Variants in ODAD2 observed in about 807,000 individuals in gnomAD.
The protein encoded by ODAD2 is outer dynein arm docking complex subunit 2, also known as outer dynein arm-docking complex subunit 2.
In ODAD2, 89 loss-of-function variants were observed where a neutral mutation model predicts 106.8. The ratio of observed to expected loss-of-function variants is 0.83; its 90% CI spans 0.70 to 0.99. ODAD2 has a LOEUF of 0.99. Ranked by LOEUF, ODAD2 falls within the 50% of genes least tolerant of loss-of-function variation. The probability of loss-of-function intolerance (pLI) is 0.00; values close to 1 mark genes in which losing one functional copy is unlikely to be tolerated. For synonymous variants in ODAD2, 404 were observed against 436.2 expected, an observed-to-expected ratio of 0.93 and a Z score of 0.92; for missense variants, 1,168 against 1,238.5, an observed-to-expected ratio of 0.94 and a Z score of 0.85.
intron 16 of ODAD2, among the ~76,000 whole-genome samples, chr10:27,919,501 CTT>C (rs1432045655): frequency 6.6e-6 from 1 of 152,016 alleles, no homozygotes; most frequent in East Asian, 1.9e-4. Flanking sequence ...GGGCAAAAGA[CTT>C]TAACAGGCCA....
Position 27,944,971 on chromosome 10 carries a change from A to T in ODAD2, c.1387-9T>A. The T allele has an allele frequency of 1.2e-6, 2 of 1,613,798 alleles. No homozygotes were observed. The highest frequency in any genetic ancestry group is 8.5e-7 in the Non-Finnish European group (1 of 1,179,752). On this transcript the variant is annotated splice_polypyrimidine_tract_variant and intron_variant, in intron 10 of 19. Transcript: ENST00000305242. ...GCTGTTTGATTTCCTCCCTACAAAG[A>T]TGCAATGCCAGAGAAAGGTTAAGGA...
intron 1 of ODAD2, among the ~76,000 whole-genome samples, chr10:27,996,675 C>T (rs1374421846): frequency 6.6e-6 from 1 of 152,114 alleles, no homozygotes; most frequent in South Asian, 2.1e-4. Flanking sequence ...AGAATTGTAG[C>T]TACCATAAAC....
chr10:27,974,780 G>A (rs1355378642), intron 7 of ODAD2, among the ~76,000 whole-genome samples: 2 of 150,056 alleles, frequency 1.3e-5, no homozygotes, highest in Non-Finnish European at 3.0e-5. Context: ...TGTGAAGAAT[G>A]TTTTTGGTAA....
At position 27,983,945 on chromosome 10, in the gene ODAD2, C is replaced by T. The variant is rs150780082; in HGVS notation, c.717G>A (p.Pro239=). ...AAATTTCCCCACGAATTTGTCTCCACGGTGGGGCTCGACATCCATTTGAAA... is the reference window on the plus strand; with the variant it reads ...AAATTTCCCCACGAATTTGTCTCCATGGTGGGGCTCGACATCCATTTGAAA... ...YEFSNGCRAP[P]WRQIRGEICY... is the part of the protein sequence containing the mutation. Residue 239 remains proline (P), a synonymous_variant, in exon 6 of 20, where the codon CCG becomes CCA. Coordinates refer to ENST00000305242, the MANE Select transcript of ODAD2 (RefSeq NM_018076.5). 1.1e-3 allele frequency: 1,791 copies of T among 1,608,228 alleles called. 16 individuals are homozygous for T. The African/African-American group carries it at 0.021, about 19-fold the overall frequency.
At chr10:27,894,730 T>TA (rs5784032) in intron 17 of ODAD2, among the ~76,000 whole-genome samples, 94,337 of 144,986 alleles carry the variant, frequency 0.65, 30,610 homozygotes, top group Middle Eastern at 0.73. Flanking sequence ...GCATGTGCAT[T>TA]AAAAAAAAAA....
At chr10:27,953,671 C>T (rs1202079437) in intron 10 of ODAD2, among the ~76,000 whole-genome samples, 2 of 151,622 alleles carry the variant, frequency 1.3e-5, no homozygotes, top group African/African-American at 4.8e-5. Context: ...ATATAAAAAG[C>T]AAAATGTAGA....
chr10:27,987,304 A>G, intron 3 of ODAD2, 82 bp downstream of exon 3: 1 of 1,281,398 alleles, frequency 7.8e-7, no homozygotes, highest in South Asian at 1.6e-5. Flanking sequence ...GACTCTAACA[A>G]ATGATCCTCC....
At chr10:27,878,726 T>C (rs1164573623) in intron 17 of ODAD2, among the ~76,000 whole-genome samples, 1 of 152,178 alleles carries the variant, frequency 6.6e-6, no homozygotes, top group Non-Finnish European at 1.5e-5. Context: ...GTCAAAAGTA[T>C]ACTTAATGAA....
chr10:27,922,652 T>A (rs1312252914), intron 16 of ODAD2, among the ~76,000 whole-genome samples: 5 of 152,156 alleles, frequency 3.3e-5, no homozygotes. Flanking sequence ...ACACCTGTAA[T>A]CCCAGCACTT....
intron 19 of ODAD2, among the ~76,000 whole-genome samples, chr10:27,849,380 C>T (rs1481258985): frequency 2.7e-5 from 4 of 147,582 alleles, no homozygotes; most frequent in Admixed American, 6.9e-5. Context: ...GGAAGGGGAA[C>T]ATCACATACC....
chr10:27,914,995 A>T (rs1052475025), intron 16 of ODAD2, among the ~76,000 whole-genome samples: 6 of 152,074 alleles, frequency 3.9e-5, no homozygotes, highest in African/African-American at 1.4e-4. Context: ...CAAGAAGAAG[A>T]CAGAGAGAGA....
chr10:27,830,607 T>G (rs535649649), intron 19 of ODAD2, among the ~76,000 whole-genome samples: 8 of 152,314 alleles, frequency 5.3e-5, no homozygotes, highest in Admixed American at 3.3e-4. Flanking sequence ...CAGTTCTATT[T>G]AGGAAGGTCT....
In ODAD2 at chr10:27,944,823, T is replaced by G; in HGVS notation, c.1526A>C (p.Lys509Thr). Reference sequence around the variant, plus strand: ...GGTGACAGAGCCACTCACCTTACATTTGACTTCATCGGTTTCAAGCAAATT... The same window carrying G: ...GGTGACAGAGCCACTCACCTTACATGTGACTTCATCGGTTTCAAGCAAATT... ...LINLLETDEV[K>T]CKIGSLKILK... The change falls in exon 11 of 20, where the codon AAA (lysine) becomes ACA (threonine). Residue 509 changes from lysine (K) to threonine (T), a missense_variant. Physicochemically the swap from Lys to Thr is moderately conservative, Grantham distance 78. Coordinates refer to ENST00000305242, the MANE Select transcript of ODAD2 (RefSeq NM_018076.5). The G allele has an allele frequency of 1.2e-6, 2 of 1,614,106 alleles. No homozygotes were observed. The highest frequency in any genetic ancestry group is 4.5e-5 in the East Asian group (2 of 44,870).
intron 17 of ODAD2, chr10:27,904,931 A>G (rs1843475807): frequency 6.6e-6 from 1 of 152,218 alleles, no homozygotes; most frequent in African/African-American, 2.4e-5. Flanking sequence ...TTGCTATTAT[A>G]CATGGGTTTT....
chr10:27,963,624 C>A, intron 9 of ODAD2, among the ~76,000 whole-genome samples: 1 of 152,080 alleles, frequency 6.6e-6, no homozygotes, highest in East Asian at 1.9e-4. Flanking sequence ...GTTGCTAAGG[C>A]CTTATATGAA....
At chr10:27,887,421 A>C (rs1284375131) in intron 17 of ODAD2, among the ~76,000 whole-genome samples, 1 of 151,992 alleles carries the variant, frequency 6.6e-6, no homozygotes, top group Non-Finnish European at 1.5e-5. Context: ...GCATTGAACA[A>C]CTAGAGAGAA....
intron 19 of ODAD2, among the ~76,000 whole-genome samples, chr10:27,831,014 G>A (rs1424303177): frequency 1.3e-5 from 2 of 152,172 alleles, no homozygotes; most frequent in Admixed American, 6.5e-5. Flanking sequence ...GAGATGTGAT[G>A]TTAAAGGCAC....
chr10:27,977,510 C>A (rs1475158001), intron 7 of ODAD2, among the ~76,000 whole-genome samples: 3 of 151,612 alleles, frequency 2.0e-5, no homozygotes, highest in African/African-American at 7.3e-5. Flanking sequence ...GAGCTTGCAA[C>A]GAGCCAAGAT....
intron 2 of ODAD2, among the ~76,000 whole-genome samples, chr10:27,989,058 G>C (rs549885574): frequency 9.2e-5 from 14 of 152,280 alleles, no homozygotes; most frequent in Middle Eastern, 6.8e-3. Context: ...GCCTCTAGAA[G>C]CTGGAAAAGC....
Sources: allele counts gnomAD v4.1 joint callset (sites outside exome capture counted in the v4.1 genomes callset), GRCh38; gene constraint gnomAD v4.1.1; transcripts MANE v1.5; gene names NCBI Gene and HGNC (gene_info 2026-07-23, HGNC 2026-07-21).